Variants in EXOC4 observed in about 807,000 individuals in gnomAD.
EXOC4 encodes the protein exocyst complex component 4, also known as SEC8-like 1.
A neutral mutation model predicts 107.2 loss-of-function variants in EXOC4; 71 were observed. That is an observed-to-expected ratio of 0.66 (90% confidence interval 0.55 to 0.81). The LOEUF is 0.81. Ranked by LOEUF, EXOC4 falls within the 30% of genes least tolerant of loss-of-function variation. The pLI is 0.00. For missense variants in EXOC4, 1,108 were observed against 1,189.6 expected (o/e 0.93, Z 1.01); for synonymous variants, 456 against 441.2 (o/e 1.03, Z -0.42).
intron 14 of EXOC4, among the ~76,000 whole-genome samples, chr7:133,982,024 G>A (rs925496638): frequency 7.9e-5 from 12 of 152,082 alleles, no homozygotes; most frequent in African/African-American, 2.7e-4. Flanking sequence ...AATACCACAC[G>A]TTCTTACTTA....
At chr7:133,656,976 G>T (rs7793045) in intron 10 of EXOC4, among the ~76,000 whole-genome samples, 1 of 152,158 alleles carries the variant, frequency 6.6e-6, no homozygotes, top group South Asian at 2.1e-4. Context: ...AACATATGCT[G>T]TGAAGATGTG....
chr7:133,729,922 A>G (rs1355812978), intron 10 of EXOC4, among the ~76,000 whole-genome samples: 1 of 151,986 alleles, frequency 6.6e-6, no homozygotes, highest in Non-Finnish European at 1.5e-5. Context: ...TATACGATAC[A>G]TTAAATCTTT....
chr7:133,269,540 A>T (rs1168896350), intron 1 of EXOC4, among the ~76,000 whole-genome samples: 3 of 152,150 alleles, frequency 2.0e-5, no homozygotes, highest in Non-Finnish European at 4.4e-5. Flanking sequence ...AGTAGTTTTT[A>T]TCCTGTGTCT....
intron 12 of EXOC4, among the ~76,000 whole-genome samples, chr7:133,906,307 C>G (rs994057336): frequency 6.6e-6 from 1 of 152,136 alleles, no homozygotes; most frequent in East Asian, 1.9e-4. Flanking sequence ...CTTTGAACCT[C>G]AGAGTGAGAG....
At chr7:133,659,424 T>G (rs1803385449) in intron 10 of EXOC4, among the ~76,000 whole-genome samples, 1 of 152,146 alleles carries the variant, frequency 6.6e-6, no homozygotes, top group African/African-American at 2.4e-5. Flanking sequence ...TCTAAGGGCC[T>G]TGTCCCATGC....
chr7:133,516,177 G>A (rs950069293), intron 9 of EXOC4, among the ~76,000 whole-genome samples: 1 of 152,086 alleles, frequency 6.6e-6, no homozygotes, highest in African/African-American at 2.4e-5. Flanking sequence ...TTGTTTTCAC[G>A]TTTTAAAAAG....
intron 7 of EXOC4, among the ~76,000 whole-genome samples, chr7:133,415,342 A>T (rs1161921493): frequency 1.4e-5 from 2 of 143,180 alleles, no homozygotes; most frequent in Non-Finnish European, 3.1e-5. Context: ...GAATAGCCAA[A>T]TTGTTTTCTA....
chr7:133,934,408 G>A (rs1800250922), intron 13 of EXOC4, among the ~76,000 whole-genome samples: 1 of 152,156 alleles, frequency 6.6e-6, no homozygotes, highest in African/African-American at 2.4e-5. Flanking sequence ...CAAATGAGAT[G>A]TCTGCTGTGT....
intron 10 of EXOC4, among the ~76,000 whole-genome samples, chr7:133,673,221 T>G (rs1793985876): frequency 6.6e-6 from 1 of 152,228 alleles, no homozygotes; most frequent in Admixed American, 6.5e-5. Flanking sequence ...CTTTGGTTCC[T>G]TAAAGGAGTA....
At chr7:133,339,779 A>C (rs1477397140) in intron 5 of EXOC4, among the ~76,000 whole-genome samples, 1 of 152,098 alleles carries the variant, frequency 6.6e-6, no homozygotes, top group Non-Finnish European at 1.5e-5. Context: ...GTTATTGTAA[A>C]ACAGGTTGAG....
At chr7:133,658,369 C>T (rs1803351848) in intron 10 of EXOC4, among the ~76,000 whole-genome samples, 1 of 152,094 alleles carries the variant, frequency 6.6e-6, no homozygotes, top group African/African-American at 2.4e-5. Flanking sequence ...TTTAAGGATC[C>T]CAGCAGGTTA....
intron 9 of EXOC4, among the ~76,000 whole-genome samples, chr7:133,629,725 T>C (rs995870122): frequency 6.6e-6 from 1 of 151,420 alleles, no homozygotes; most frequent in Non-Finnish European, 1.5e-5. Flanking sequence ...TTTTTTTTAA[T>C]AGAGATGGGG....
At chr7:133,671,926 T>C (rs1402402478) in intron 10 of EXOC4, among the ~76,000 whole-genome samples, 1 of 152,174 alleles carries the variant, frequency 6.6e-6, no homozygotes, top group Non-Finnish European at 1.5e-5. Flanking sequence ...CTCTATTAGA[T>C]AGTCAAGTGT....
At chr7:133,888,146 A>T (rs1203382955) in intron 11 of EXOC4, among the ~76,000 whole-genome samples, 3 of 152,138 alleles carry the variant, frequency 2.0e-5, no homozygotes, top group Admixed American at 6.5e-5. Context: ...TCTACCACCA[A>T]ATCTTCTTGA....
chr7:133,615,025 A>G (rs868174361), intron 9 of EXOC4, among the ~76,000 whole-genome samples: 17 of 152,314 alleles, frequency 1.1e-4, no homozygotes, highest in South Asian at 2.1e-4. Context: ...AGATTATCCA[A>G]GACTGCATTT....
At chr7:133,918,530 CTGTG>C (rs1799863465) in intron 13 of EXOC4, among the ~76,000 whole-genome samples, 1 of 152,154 alleles carries the variant, frequency 6.6e-6, no homozygotes, top group African/African-American at 2.4e-5. Context: ...AATGTGCTTC[CTGTG>C]TGTGTGTTCA....
intron 10 of EXOC4, among the ~76,000 whole-genome samples, chr7:133,757,538 G>A (rs967644829): frequency 4.6e-5 from 7 of 152,246 alleles, no homozygotes; most frequent in South Asian, 2.1e-4. Context: ...GGCCTATGCC[G>A]TGGAATCCCA....
intron 1 of EXOC4, chr7:133,253,618 G>C (rs1194116702): frequency 1.6e-6 from 1 of 643,246 alleles, no homozygotes; most frequent in Non-Finnish European, 1.9e-6. Context: ...CCTGTCACGA[G>C]TTGCAGATTT....
chr7:133,558,600 G>A lies in EXOC4; in HGVS notation c.1418-71445G>A, dbSNP rs112143275. ...TTTTGGAAATTACAAACAAATGTACGTATTCTTCAAATGTCTTTTTATTTT... is the reference window on the plus strand; with the variant it reads ...TTTTGGAAATTACAAACAAATGTACATATTCTTCAAATGTCTTTTTATTTT... On this transcript the variant is annotated intron_variant, in intron 9 of 17. Coordinates refer to ENST00000253861, the MANE Select transcript of EXOC4 (RefSeq NM_021807.4). 1.1e-3 allele frequency among the ~76,000 whole-genome samples: 165 copies of A among 152,000 alleles called. 1 individual carries two copies. Among genetic ancestry groups the A allele is most frequent in the Middle Eastern group, 3.4e-3 (1 of 294 alleles).
Sources: gnomAD v4.1 joint callset for allele counts (sites outside exome capture counted in the v4.1 genomes callset) on GRCh38, gnomAD v4.1.1 for gene constraint, MANE v1.5 for transcripts, NCBI Gene and HGNC (gene_info 2026-07-23, HGNC 2026-07-21) for gene names.